Variants in PRKN observed in about 807,000 individuals in gnomAD.
PRKN encodes the protein parkin RBR E3 ubiquitin protein ligase.
Under a neutral mutation model 59.5 loss-of-function variants are expected in PRKN, and 56 were observed. The ratio of observed to expected loss-of-function variants is 0.94; its 90% CI spans 0.76 to 1.18. PRKN has a LOEUF of 1.18. PRKN is among the 50% of genes most tolerant of loss of function. PRKN has a pLI of 0.00. For missense variants in PRKN, 657 were observed against 596.4 expected (o/e 1.10, Z -1.06); for synonymous variants, 250 against 222.1 (o/e 1.13, Z -1.12).
intron 9 of PRKN, among the ~76,000 whole-genome samples, chr6:161,514,249 A>AGAT (rs1010357391): frequency 7.2e-5 from 11 of 152,134 alleles, no homozygotes; most frequent in African/African-American, 2.7e-4. Flanking sequence ...TGCAAATGAA[A>AGAT]GATATTTATT....
At chr6:162,401,679 G>A (rs921949526) in intron 2 of PRKN, among the ~76,000 whole-genome samples, 10 of 151,926 alleles carry the variant, frequency 6.6e-5, no homozygotes, top group African/African-American at 1.9e-4. Flanking sequence ...TCATCTTTAA[G>A]CAATAAACTT....
At chr6:162,676,915 G>C (rs1230867442) in intron 1 of PRKN, among the ~76,000 whole-genome samples, 2 of 151,962 alleles carry the variant, frequency 1.3e-5, no homozygotes, top group Non-Finnish European at 2.9e-5. Flanking sequence ...ACAAAAGTTA[G>C]CTGGGCATGG....
chr6:161,522,276 G>A (rs1405205932), intron 9 of PRKN, among the ~76,000 whole-genome samples: 1 of 152,180 alleles, frequency 6.6e-6, no homozygotes, highest in East Asian at 1.9e-4. Context: ...CCGATGACAG[G>A]CGAGGGAGGT....
At chr6:162,370,630 G>C (rs1171426964) in intron 2 of PRKN, among the ~76,000 whole-genome samples, 5 of 152,166 alleles carry the variant, frequency 3.3e-5, no homozygotes, top group Non-Finnish European at 7.3e-5. Context: ...ATGGAAGCTG[G>C]TGGCAAAGCC....
At chr6:161,726,694 G>A (rs1189304133) in intron 7 of PRKN, among the ~76,000 whole-genome samples, 1 of 152,118 alleles carries the variant, frequency 6.6e-6, no homozygotes, top group East Asian at 1.9e-4. Flanking sequence ...CAAATTTGAT[G>A]AGAGAGGCAA....
intron 5 of PRKN, among the ~76,000 whole-genome samples, chr6:162,031,465 A>G (rs1020377030): frequency 5.9e-5 from 9 of 151,926 alleles, no homozygotes; most frequent in African/African-American, 2.2e-4. Flanking sequence ...TTATTTACAA[A>G]TATTATGATG....
At chr6:162,666,809 T>C (rs1275957722) in intron 1 of PRKN, among the ~76,000 whole-genome samples, 1 of 152,044 alleles carries the variant, frequency 6.6e-6, no homozygotes, top group Non-Finnish European at 1.5e-5. Context: ...TTGGTATCTA[T>C]AACCTGCATA....
At chr6:162,228,804 C>T (rs961578534) in intron 3 of PRKN, among the ~76,000 whole-genome samples, 45 of 152,246 alleles carry the variant, frequency 3.0e-4, no homozygotes, top group African/African-American at 1.0e-3. Context: ...TTAAATAGAG[C>T]TCCAATCTTG....
chr6:161,791,184 C>T (rs1201684363), intron 6 of PRKN, among the ~76,000 whole-genome samples: 4 of 152,156 alleles, frequency 2.6e-5, no homozygotes, highest in African/African-American at 9.7e-5. Flanking sequence ...CTTATAAATG[C>T]TTTCCTTGAC....
intron 2 of PRKN, among the ~76,000 whole-genome samples, chr6:162,271,017 T>G (rs922736144): frequency 8.7e-5 from 5 of 57,338 alleles, no homozygotes. Flanking sequence ...AATTTTCTAG[T>G]TTTTTTTTTT....
chr6:162,611,917 G>C (rs1030022905), intron 1 of PRKN, among the ~76,000 whole-genome samples: 1 of 152,076 alleles, frequency 6.6e-6, no homozygotes, highest in Non-Finnish European at 1.5e-5. Context: ...GGGGCGTGGT[G>C]GCTCACGCCT....
chr6:162,150,953 G>A (rs116516444), intron 4 of PRKN, among the ~76,000 whole-genome samples: 2,828 of 152,124 alleles, frequency 0.019, 84 homozygotes, highest in African/African-American at 0.063. Context: ...TGAGACTGTG[G>A]GCTATATAAT....
At chr6:162,628,291 G>T (rs1425809647) in intron 1 of PRKN, among the ~76,000 whole-genome samples, 1 of 152,068 alleles carries the variant, frequency 6.6e-6, no homozygotes. Context: ...ACCTAAAGAT[G>T]GATCCAGTTA....
chr6:162,625,747 T>C (rs1380172525), intron 1 of PRKN, among the ~76,000 whole-genome samples: 2 of 152,078 alleles, frequency 1.3e-5, no homozygotes, highest in African/African-American at 4.8e-5. Flanking sequence ...CAAAAACATA[T>C]CTAAAACTTA....
chr6:162,091,968 CA>C (rs1472017527), intron 4 of PRKN, among the ~76,000 whole-genome samples: 2 of 151,832 alleles, frequency 1.3e-5, no homozygotes, highest in Non-Finnish European at 2.9e-5. Context: ...CCCAGGAGGT[CA>C]AGGCTGTAGT....
rs1479388987 is a variant in PRKN, at chr6:161,550,731, G to C, written c.934-1728C>G. Among the ~76,000 whole-genome samples the C allele has an allele frequency of 6.9e-5, 8 of 115,778 alleles. No homozygotes were observed. Among genetic ancestry groups the C allele is most frequent in the African/African-American group, 2.8e-4 (8 of 29,006 alleles). 76.0% of individuals were successfully genotyped at this position (115,778 alleles called of 152,430 possible). ...GTGGTAGAAGAAAGGGTATGTGTGT[G>C]TGTGCACGTGTGTGTGTGTGTGTGT... On this transcript the variant is annotated intron_variant, in intron 8 of 11. Transcript: ENST00000366898. The surrounding 1 kb of genome is among the most constrained non-coding windows in gnomAD (Gnocchi z 4.0).
chr6:162,098,391 A>G lies in PRKN; in HGVS notation c.535-44217T>C, dbSNP rs2128298308. Among the ~76,000 whole-genome samples the G allele has an allele frequency of 1.3e-5, 2 of 152,276 alleles. 1 individual carries two copies. Among genetic ancestry groups the G allele is most frequent in the South Asian group, 4.2e-4 (2 of 4,818 alleles). On this transcript the variant is annotated intron_variant, in intron 4 of 11. Coordinates refer to ENST00000366898, the MANE Select transcript of PRKN (RefSeq NM_004562.3). ...TTGCTTTGATTAAAAATTAATATAA[A>G]TGAAAGTCCTAGTATTTTATTCCTG...
chr6:162,563,653 C>G (rs1779944462), intron 1 of PRKN, among the ~76,000 whole-genome samples: 1 of 152,144 alleles, frequency 6.6e-6, no homozygotes, highest in Non-Finnish European at 1.5e-5. Context: ...AAAACATGAT[C>G]TCATCAAATG....
intron 5 of PRKN, among the ~76,000 whole-genome samples, chr6:162,049,521 T>G (rs1777538943): frequency 6.6e-6 from 1 of 152,160 alleles, no homozygotes; most frequent in Admixed American, 6.5e-5. Context: ...TTGGTGTTTA[T>G]TAAATACAGA....
Sources: allele counts gnomAD v4.1 joint callset (sites outside exome capture counted in the v4.1 genomes callset), GRCh38; gene constraint gnomAD v4.1.1; non-coding constraint Gnocchi (gnomAD v3.1); transcripts MANE v1.5; gene names NCBI Gene and HGNC (gene_info 2026-07-23, HGNC 2026-07-21).